ZFHX4: variants seen among roughly 807,000 people sequenced by gnomAD.
The protein encoded by ZFHX4 is zinc finger homeobox 4.
In ZFHX4, 56 loss-of-function variants were observed where a neutral mutation model predicts 267.6. That is an observed-to-expected ratio of 0.21 (90% CI 0.17 to 0.26). ZFHX4 has a LOEUF of 0.26. Among genes scored for constraint, ZFHX4 ranks in the 10% least tolerant of loss-of-function variants. ZFHX4 has a pLI of 1.00. For missense variants in ZFHX4, 4,332 were observed against 4,420.0 expected, an observed-to-expected ratio of 0.98 and a Z score of 0.56; for synonymous variants, 1,778 against 1,665.6, an observed-to-expected ratio of 1.07 and a Z score of -1.64.
Position 76,855,476 on chromosome 8 carries a change from C to A in ZFHX4, c.8555C>A (p.Ala2852Glu). Residue 2852 changes from alanine to glutamate, a missense_variant, in exon 10 of 11, where the codon GCA (alanine) becomes GAA (glutamate). Transcript: ENST00000651372. ...ACTCTGGATACTCTGCCAAAACCTG[C>A]AACCACACCTACCACGGAGGTCTGC... Reference protein sequence around the residue: ...PKTLDTLPKPATTPTTEVCDD... With the variant: ...PKTLDTLPKPETTPTTEVCDD... 6.2e-7 allele frequency: 1 copy of A among 1,613,770 alleles called. No homozygotes were observed. Among genetic ancestry groups the A allele is most frequent in the Non-Finnish European group, 8.5e-7 (1 of 1,179,820 alleles).
At chr8:76,834,690 G>A (rs944385712) in intron 5 of ZFHX4, among the ~76,000 whole-genome samples, 1 of 151,984 alleles carries the variant, frequency 6.6e-6, no homozygotes, top group Non-Finnish European at 1.5e-5. Context: ...CTTCCTGTCT[G>A]TGGCTTGTCT....
chr8:76,815,865 G>A (rs1811493292), intron 4 of ZFHX4, among the ~76,000 whole-genome samples: 1 of 152,134 alleles, frequency 6.6e-6, no homozygotes, highest in African/African-American at 2.4e-5. Context: ...TACCTTGGGG[G>A]CTAGGATTTC....
chr8:76,852,724 G>A lies in ZFHX4; in HGVS notation c.5803G>A (p.Gly1935Ser), dbSNP rs2131947562. 6.2e-7 allele frequency: 1 copy of A among 1,613,848 alleles called. No individual in the cohort carries two copies. The highest frequency in any genetic ancestry group is 1.3e-5 in the African/African-American group (1 of 75,042). The change falls in exon 10 of 11, where the codon GGC becomes AGC. Residue 1935 changes from glycine to serine, a missense_variant. Transcript: ENST00000651372. ...AAACAGGCAGAAGGTACAGAAGAAG[G>A]GCAAAAGTGGTGAAGGCGAAAACAC... Reference protein sequence around the residue: ...NENRQKVQKKGKSGEGENTDK... With the variant: ...NENRQKVQKKSKSGEGENTDK...
intron 4 of ZFHX4, among the ~76,000 whole-genome samples, chr8:76,800,327 C>A (rs1429062171): frequency 6.6e-6 from 1 of 152,110 alleles, no homozygotes; most frequent in South Asian, 2.1e-4. Context: ...AGCTAGTGAG[C>A]CATTCCTATG....
At chr8:76,693,201 A>G (rs1230701008) in intron 1 of ZFHX4, among the ~76,000 whole-genome samples, 2 of 152,190 alleles carry the variant, frequency 1.3e-5, no homozygotes, top group Non-Finnish European at 2.9e-5. Flanking sequence ...GGATAAATGA[A>G]TGATAATTAA....
intron 3 of ZFHX4, among the ~76,000 whole-genome samples, chr8:76,737,576 G>C (rs1809198351): frequency 6.6e-6 from 1 of 152,138 alleles, no homozygotes; most frequent in Non-Finnish European, 1.5e-5. Flanking sequence ...CATGGAGCAA[G>C]TTACTTAACC....
At chr8:76,798,285 A>G (rs993249771) in intron 4 of ZFHX4, among the ~76,000 whole-genome samples, 8 of 152,116 alleles carry the variant, frequency 5.3e-5, no homozygotes, top group Non-Finnish European at 1.0e-4. Flanking sequence ...AGTAATTGCT[A>G]AAGGGAACCC....
chr8:76,849,280 T>C lies in ZFHX4; in HGVS notation c.3645+152T>C, dbSNP rs151242718. ...TGGTATTACCTCTAATGTTCTAAAG[T>C]CATCAGAATACATTAACTATGTTGA... On this transcript the variant is annotated intron_variant, in intron 7 of 10. Coordinates refer to ENST00000651372, the MANE Select transcript of ZFHX4 (RefSeq NM_024721.5). Among the ~76,000 whole-genome samples, 146 of 152,308 alleles carry C rather than the reference T, an allele frequency of 9.6e-4. 1 individual carries two copies. In the East Asian group the frequency reaches 0.014, roughly 15 times the overall value.
intron 9 of ZFHX4, 96 bp from the exon 10 acceptor site, chr8:76,850,790 C>A: frequency 7.6e-7 from 1 of 1,308,786 alleles, no homozygotes; most frequent in Non-Finnish European, 1.0e-6. Context: ...ATTAATTAAG[C>A]AGAAGCCTTT....
At chr8:76,807,933 A>G (rs967753557) in intron 4 of ZFHX4, among the ~76,000 whole-genome samples, 1 of 152,144 alleles carries the variant, frequency 6.6e-6, no homozygotes, top group Non-Finnish European at 1.5e-5. Context: ...TTTATTCTTC[A>G]TGAAAACCCT....
In ZFHX4 at chr8:76,704,336, A is replaced by G; in HGVS notation, c.248A>G (p.Asn83Ser). The G allele has an allele frequency of 6.2e-7, 1 of 1,614,046 alleles. No homozygotes were observed. Among genetic ancestry groups the G allele is most frequent in the Non-Finnish European group, 8.5e-7 (1 of 1,179,898 alleles). Residue 83 changes from asparagine (N) to serine (S), a missense_variant, in exon 2 of 11, where the codon AAC (asparagine) becomes AGC (serine). Around this residue, in one of 7 missense-constraint regions of ZFHX4, gnomAD observed 1,195 missense variants for 1,173.6 expected, o/e 1.02. Transcript: ENST00000651372. ...ACCTCAGCAAAGGAGATACCCTGCA[A>G]CGAATGTGCCACTTCTTTTCCCAGT... ...QVTSAKEIPCNECATSFPSLQ... is the reference protein window; with the variant it reads ...QVTSAKEIPCSECATSFPSLQ...
At chr8:76,728,606 C>A (rs1808917538) in intron 3 of ZFHX4, among the ~76,000 whole-genome samples, 1 of 152,128 alleles carries the variant, frequency 6.6e-6, no homozygotes. Context: ...CCTTTCAATG[C>A]AAGTGGAAGA....
chr8:76,854,624 C>G lies in ZFHX4; in HGVS notation c.7703C>G (p.Thr2568Ser). Residue 2568 changes from threonine (T) to serine (S), a missense_variant, in exon 10 of 11, where the codon ACC (threonine) becomes AGC (serine). Coordinates refer to ENST00000651372, the MANE Select transcript of ZFHX4 (RefSeq NM_024721.5). ...QMPPQASSSH[T>S]TAPTTVAASL... ...CCCCCTCAGGCCAGTTCCTCCCACACCACAGCCCCCACAACGGTTGCTGCT... is the reference window on the plus strand; with the variant it reads ...CCCCCTCAGGCCAGTTCCTCCCACAGCACAGCCCCCACAACGGTTGCTGCT... 2.5e-6 allele frequency: 4 copies of G among 1,613,782 alleles called. No individual in the cohort carries two copies. Among genetic ancestry groups the G allele is most frequent in the Non-Finnish European group, 3.4e-6 (4 of 1,179,884 alleles).
chr8:76,853,943 A>T lies in ZFHX4; in HGVS notation c.7022A>T (p.Asp2341Val). Reference sequence around the variant, plus strand: ...AAGCAGTGTTACAAGGATGAAGATGATGATGCCCAAGATGAAAGCCAAACA... The same window carrying T: ...AAGCAGTGTTACAAGGATGAAGATGTTGATGCCCAAGATGAAAGCCAAACA... Reference protein sequence around the residue: ...QKKQCYKDEDDDAQDESQTED... With the variant: ...QKKQCYKDEDVDAQDESQTED... The change falls in exon 10 of 11, where the codon GAT becomes GTT. Residue 2341 changes from aspartate (D) to valine (V), a missense_variant. Coordinates refer to ENST00000651372, the MANE Select transcript of ZFHX4 (RefSeq NM_024721.5). 6.2e-7 allele frequency: 1 copy of T among 1,613,926 alleles called. No homozygotes were observed. The highest frequency in any genetic ancestry group is 8.5e-7 in the Non-Finnish European group (1 of 1,179,878).
chr8:76,766,637 T>A (rs1330303097), intron 3 of ZFHX4, among the ~76,000 whole-genome samples: 1 of 152,070 alleles, frequency 6.6e-6, no homozygotes, highest in Non-Finnish European at 1.5e-5. Context: ...TACAAGCATC[T>A]ATAGGTTTAA....
intron 3 of ZFHX4, among the ~76,000 whole-genome samples, chr8:76,711,221 C>G (rs936396943): frequency 6.6e-6 from 1 of 151,996 alleles, no homozygotes; most frequent in African/African-American, 2.4e-5. Context: ...TTTTTAAAAG[C>G]AATTTTGTTA....
chr8:76,821,029 T>C (rs1013574066), intron 4 of ZFHX4, among the ~76,000 whole-genome samples: 3 of 152,146 alleles, frequency 2.0e-5, no homozygotes, highest in African/African-American at 7.2e-5. Flanking sequence ...TCCCCAATTA[T>C]TGTCATAATC....
Position 76,854,289 on chromosome 8 carries a change from C to T in ZFHX4, c.7368C>T (p.Pro2456=). 1 of 1,602,346 alleles carries T rather than the reference C, an allele frequency of 6.2e-7. No individual in the cohort carries two copies. The part of the protein sequence containing the change: ...PQPQPQPPKQ[P]QLIGRPPSAS... ...CACAGCCACAGCCACCAAAACAACC[C>T]CAACTTATCGGAAGACCTCCCTCGG... The change falls in exon 10 of 11, where the codon CCC becomes CCT. Residue 2456 remains proline (P), a synonymous_variant. Transcript: ENST00000651372.
At chr8:76,718,121 A>G (rs769490703) in intron 3 of ZFHX4, among the ~76,000 whole-genome samples, 53 of 152,224 alleles carry the variant, frequency 3.5e-4, no homozygotes, top group Non-Finnish European at 6.6e-4. Context: ...TACATTCAGC[A>G]CTTACTACTG....
Sources: gnomAD v4.1 joint callset for allele counts (sites outside exome capture counted in the v4.1 genomes callset) on GRCh38, gnomAD v4.1.1 for gene constraint, gnomAD v4.1.1 regional missense constraint, MANE v1.5 for transcripts, NCBI Gene and HGNC (gene_info 2026-07-23, HGNC 2026-07-21) for gene names.